The following BDP1 variants were observed in gnomAD, a reference collection of about 807,000 sequenced individuals.
BDP1 encodes transcription factor TFIIIB component B'' homolog.
BDP1 carries 169 observed loss-of-function variants against 266.6 expected under a neutral mutation model. The observed-to-expected ratio is 0.63, with a 90% CI of 0.56 to 0.72. The LOEUF (loss-of-function observed/expected upper bound fraction) is 0.72, where lower values mean the gene tolerates loss of function less well. BDP1 is among the 30% of genes least tolerant of loss of function. The pLI, the probability that BDP1 is intolerant of heterozygous loss-of-function variation, is 0.00. For missense variants in BDP1, 3,015 were observed against 3,053.8 expected, an observed-to-expected ratio of 0.99 and a Z score of 0.30; for synonymous variants, 1,090 against 1,022.4, an observed-to-expected ratio of 1.07 and a Z score of -1.26.
At chr5:71,499,519 T>C (rs975055223) in intron 13 of BDP1, among the ~76,000 whole-genome samples, 10 of 152,020 alleles carry the variant, frequency 6.6e-5, no homozygotes, top group African/African-American at 2.4e-4. Context: ...CTCGGGAGTT[T>C]GAGGCAAAAG....
At chr5:71,561,335 A>T (rs889537429) in intron 37 of BDP1, among the ~76,000 whole-genome samples, 5 of 152,116 alleles carry the variant, frequency 3.3e-5, no homozygotes, top group Non-Finnish European at 7.4e-5. Context: ...CAGGAGGCGG[A>T]GGGTGCGGTG....
At chr5:71,479,151 T>C (rs1762776696) in intron 7 of BDP1, among the ~76,000 whole-genome samples, 1 of 152,028 alleles carries the variant, frequency 6.6e-6, no homozygotes, top group Non-Finnish European at 1.5e-5. Flanking sequence ...TACGCCATTC[T>C]CCTGCCTCAG....
intron 20 of BDP1, 73 bp downstream of exon 20, chr5:71,515,195 G>A (rs2150487593): frequency 1.7e-6 from 2 of 1,175,278 alleles, no homozygotes; most frequent in African/African-American, 1.6e-5. Flanking sequence ...TTTTTATTGA[G>A]ATATGTTAAT....
chr5:71,544,925 T>C (rs1742167311), intron 31 of BDP1, 114 bp from the exon 32 acceptor site: 9 of 765,394 alleles, frequency 1.2e-5, no homozygotes, highest in South Asian at 1.2e-4. Flanking sequence ...GCATTAAATA[T>C]GTTTTAAAAG....
the BDP1 span, among the ~76,000 whole-genome samples, chr5:71,573,290 A>G: frequency 6.6e-6 from 1 of 151,968 alleles, no homozygotes; most frequent in Non-Finnish European, 1.5e-5. Context: ...AAATTGGCCT[A>G]TACCACCTGC....
chr5:71,482,495 GT>G (rs1763022389), intron 7 of BDP1, among the ~76,000 whole-genome samples: 2 of 152,204 alleles, frequency 1.3e-5, no homozygotes, highest in South Asian at 4.1e-4. Flanking sequence ...TCCATAATGA[GT>G]TACTTTGCCA....
Position 71,483,832 on chromosome 5 carries a change from T to A in BDP1, c.1015-10T>A. ...GAGAAAATTACCATAGGGTTTTTTG[T>A]TGTTAACAGAATAAATTTAAACGGG... On this transcript the variant is annotated splice_polypyrimidine_tract_variant and intron_variant, in intron 7 of 38. Transcript: ENST00000358731. 1 of 1,602,166 alleles carries A rather than the reference T, an allele frequency of 6.2e-7. No individual in the cohort carries two copies. Among genetic ancestry groups the A allele is most frequent in the Non-Finnish European group, 8.5e-7 (1 of 1,171,912 alleles).
intron 1 of BDP1, among the ~76,000 whole-genome samples, chr5:71,456,330 G>A (rs930505709): frequency 6.6e-6 from 1 of 152,234 alleles, no homozygotes; most frequent in Non-Finnish European, 1.5e-5. Flanking sequence ...TCAAGTGGTG[G>A]TAGGGAGAAT....
chr5:71,530,898 C>T (rs775852074), intron 25 of BDP1, among the ~76,000 whole-genome samples: 23 of 151,972 alleles, frequency 1.5e-4, no homozygotes, highest in Non-Finnish European at 1.9e-4. Flanking sequence ...GGCAACATGG[C>T]GAAACCTCAT....
In BDP1 at chr5:71,456,001, G is replaced by A. The variant is rs1262568198; in HGVS notation, c.124G>A (p.Asp42Asn). ...ESPRPPDPAT[D>N]SASKPAEPTD... ...TCCCAGGCCGCCGGATCCTGCCACG[G>A]ACTCTGCTTCCAAGCCCGCGGAGCC... Residue 42 changes from aspartate (D) to asparagine (N), a missense_variant, in exon 1 of 39, where the codon GAC (aspartate) becomes AAC (asparagine). Asp to Asn is a conservative substitution (Grantham distance 23). Coordinates refer to ENST00000358731, the MANE Select transcript of BDP1 (RefSeq NM_018429.3). The A allele has an allele frequency of 2.5e-6, 4 of 1,613,638 alleles. No individual in the cohort carries two copies. Among genetic ancestry groups the A allele is most frequent in the South Asian group, 1.1e-5 (1 of 91,084 alleles).
intron 7 of BDP1, among the ~76,000 whole-genome samples, chr5:71,480,914 T>C (rs1469566030): frequency 3.3e-5 from 5 of 152,258 alleles, no homozygotes; most frequent in East Asian, 1.9e-4. Flanking sequence ...TAGTGGCTCA[T>C]GCCTGTAGTC....
chr5:71,574,280 C>T, the BDP1 span, among the ~76,000 whole-genome samples: 3 of 152,194 alleles, frequency 2.0e-5, no homozygotes, highest in African/African-American at 7.2e-5. Flanking sequence ...GAAAAAAATG[C>T]CAGGACTTTG....
intron 7 of BDP1, among the ~76,000 whole-genome samples, chr5:71,471,005 T>G (rs1302780954): frequency 6.6e-6 from 1 of 152,100 alleles, no homozygotes; most frequent in Non-Finnish European, 1.5e-5. Flanking sequence ...AGTTTCATAT[T>G]TTCTTATATC....
At chr5:71,551,248 A>G (rs1402878339) in intron 34 of BDP1, among the ~76,000 whole-genome samples, 2 of 152,192 alleles carry the variant, frequency 1.3e-5, no homozygotes, top group African/African-American at 4.8e-5. Flanking sequence ...TCCTAGGCAG[A>G]GGACCCTGCG....
At chr5:71,532,499 G>C in intron 26 of BDP1, 72 bp downstream of exon 26, 1 of 1,477,562 alleles carries the variant, frequency 6.8e-7, no homozygotes, top group Non-Finnish European at 9.3e-7. Flanking sequence ...GGTTCCTTTT[G>C]ATAGCTTTAG....
At chr5:71,561,018 G>T (rs376713730) in intron 37 of BDP1, among the ~76,000 whole-genome samples, 1 of 152,298 alleles carries the variant, frequency 6.6e-6, no homozygotes, top group Admixed American at 6.5e-5. Flanking sequence ...GGCTGAGGCC[G>T]GAGTTTGAGA....
chr5:71,508,846 G>A (rs1764734169), intron 16 of BDP1, among the ~76,000 whole-genome samples: 1 of 152,182 alleles, frequency 6.6e-6, no homozygotes, highest in Non-Finnish European at 1.5e-5. Context: ...TGTGTGCCCA[G>A]TAGCATTCAG....
At chr5:71,456,863 T>C (rs889763339) in intron 1 of BDP1, among the ~76,000 whole-genome samples, 2 of 152,212 alleles carry the variant, frequency 1.3e-5, no homozygotes, top group Non-Finnish European at 2.9e-5. Flanking sequence ...TCTATATATA[T>C]GAGGAAATCA....
intron 4 of BDP1, among the ~76,000 whole-genome samples, chr5:71,465,636 A>G (rs1379357457): frequency 6.6e-6 from 1 of 152,148 alleles, no homozygotes; most frequent in Non-Finnish European, 1.5e-5. Flanking sequence ...TAATCCCGGC[A>G]CTTTGGGAGG....
Sources: gnomAD v4.1 joint callset for allele counts (sites outside exome capture counted in the v4.1 genomes callset) on GRCh38, gnomAD v4.1.1 for gene constraint, MANE v1.5 for transcripts, NCBI Gene and HGNC (gene_info 2026-07-23, HGNC 2026-07-21) for gene names.